Variants in SEMA6D observed in about 807,000 individuals in gnomAD.
The protein encoded by SEMA6D is semaphorin 6D.
SEMA6D carries 35 observed loss-of-function variants against 106.6 expected under a neutral mutation model. The observed-to-expected ratio is 0.33, with a 90% CI of 0.25 to 0.44. The LOEUF is 0.44. SEMA6D is among the 20% of genes least tolerant of loss of function. The pLI is 1.00. For missense variants in SEMA6D, 1,185 were observed against 1,345.9 expected (o/e 0.88, Z 1.87); for synonymous variants, 499 against 487.7 (o/e 1.02, Z -0.31).
upstream of SEMA6D, among the ~76,000 whole-genome samples, chr15:47,714,473 T>C (rs746367260): frequency 3.9e-5 from 6 of 152,242 alleles, no homozygotes; most frequent in East Asian, 3.8e-4. Flanking sequence ...TACTTTCTGA[T>C]GACTGATGAA....
At chr15:47,473,071 G>T (rs377340982) in intron 3 of SEMA6D, among the ~76,000 whole-genome samples, 1 of 152,168 alleles carries the variant, frequency 6.6e-6, no homozygotes, top group Non-Finnish European at 1.5e-5. Context: ...CAGACTCTAC[G>T]TCTTCTCTAG....
intron 4 of SEMA6D, among the ~76,000 whole-genome samples, chr15:47,704,235 C>T (rs931729308): frequency 6.6e-6 from 1 of 152,230 alleles, no homozygotes; most frequent in East Asian, 1.9e-4. Context: ...ATGCTCCCTC[C>T]TCAGCCTCCC....
intron 1 of SEMA6D, chr15:47,359,582 A>G (rs1304028160): frequency 6.6e-6 from 1 of 152,220 alleles, no homozygotes; most frequent in East Asian, 1.9e-4. Context: ...CATAGTTATG[A>G]TAGATTTCAA....
intron 3 of SEMA6D, among the ~76,000 whole-genome samples, chr15:47,586,568 A>G (rs574155960): frequency 4.6e-5 from 7 of 152,202 alleles, no homozygotes; most frequent in Non-Finnish European, 8.8e-5. Flanking sequence ...TACAAATAAA[A>G]GGTGGTTATA....
chr15:47,640,271 CGCACCATCT>C (rs2077464917), intron 4 of SEMA6D, among the ~76,000 whole-genome samples: 1 of 152,176 alleles, frequency 6.6e-6, no homozygotes, highest in African/African-American at 2.4e-5. Context: ...CACGAGTCCT[CGCACCATCT>C]GCAGGGAAAG....
rs540593234 is a variant in SEMA6D, at chr15:47,189,932, A to G, written c.-239+5514A>G. 9.2e-5 allele frequency among the ~76,000 whole-genome samples: 14 copies of G among 152,342 alleles called. 1 individual carries two copies. Among genetic ancestry groups the G allele is most frequent in the Middle Eastern group, 3.4e-3 (1 of 294 alleles). On this transcript the variant is annotated intron_variant, in intron 1 of 19. Coordinates refer to the SEMA6D transcript ENST00000558014. ...TGTATCACTGACATGCAAATTAACTACTGACATCTATGGTGTATGCCATGT... is the reference window on the plus strand; with the variant it reads ...TGTATCACTGACATGCAAATTAACTGCTGACATCTATGGTGTATGCCATGT...
intron 1 of SEMA6D, among the ~76,000 whole-genome samples, chr15:47,363,091 A>G (rs1309672934): frequency 1.3e-5 from 2 of 152,026 alleles, no homozygotes; most frequent in Non-Finnish European, 2.9e-5. Context: ...TATTCTAGAA[A>G]CTGTTCTATG....
At chr15:47,670,895 T>C (rs2078123706) in intron 4 of SEMA6D, among the ~76,000 whole-genome samples, 1 of 152,218 alleles carries the variant, frequency 6.6e-6, no homozygotes, top group Non-Finnish European at 1.5e-5. Context: ...TTGGTTTCCA[T>C]TTAATTACTT....
At chr15:47,417,020 T>C (rs532143298) in intron 2 of SEMA6D, among the ~76,000 whole-genome samples, 8 of 152,078 alleles carry the variant, frequency 5.3e-5, no homozygotes, top group Non-Finnish European at 8.8e-5. Context: ...CTCAGTGACT[T>C]ATGAAAAATT....
chr15:47,578,588 T>C (rs1320215895), intron 3 of SEMA6D, among the ~76,000 whole-genome samples: 1 of 152,200 alleles, frequency 6.6e-6, no homozygotes, highest in Non-Finnish European at 1.5e-5. Flanking sequence ...TAAGGATGCT[T>C]CTCAAAGTAC....
intron 17 of SEMA6D, among the ~76,000 whole-genome samples, chr15:47,767,882 C>G (rs928454622): frequency 1.3e-5 from 2 of 152,186 alleles, no homozygotes; most frequent in Non-Finnish European, 2.9e-5. Flanking sequence ...GATGGTAGAT[C>G]TTATGTATCA....
chr15:47,690,538 T>A (rs964700387), intron 4 of SEMA6D, among the ~76,000 whole-genome samples: 1 of 152,150 alleles, frequency 6.6e-6, no homozygotes, highest in Non-Finnish European at 1.5e-5. Context: ...ATGTTCTCAT[T>A]TGAAAAATGA....
chr15:47,350,510 A>G (rs1244573145), intron 1 of SEMA6D, among the ~76,000 whole-genome samples: 1 of 152,172 alleles, frequency 6.6e-6, no homozygotes, highest in Non-Finnish European at 1.5e-5. Context: ...CAGACGCTTC[A>G]GTCATTTCTC....
intron 3 of SEMA6D, among the ~76,000 whole-genome samples, chr15:47,503,521 A>G (rs1488892120): frequency 6.6e-6 from 1 of 152,212 alleles, no homozygotes; most frequent in Non-Finnish European, 1.5e-5. Context: ...TAAGTAATAC[A>G]GAGTGTGAAG....
intron 4 of SEMA6D, among the ~76,000 whole-genome samples, chr15:47,696,726 T>C (rs1410807595): frequency 6.6e-6 from 1 of 152,186 alleles, no homozygotes; most frequent in Non-Finnish European, 1.5e-5. Context: ...TCCTTTCCCC[T>C]AAATCACACA....
At chr15:47,724,921 C>G (rs1180268795) in intron 1 of SEMA6D, among the ~76,000 whole-genome samples, 2 of 152,160 alleles carry the variant, frequency 1.3e-5, no homozygotes, top group South Asian at 4.1e-4. Flanking sequence ...ATGAACGTTG[C>G]AAGGAGTAAG....
intron 1 of SEMA6D, among the ~76,000 whole-genome samples, chr15:47,189,461 ACT>A (rs924549560): frequency 1.3e-5 from 2 of 152,182 alleles, no homozygotes; most frequent in African/African-American, 4.8e-5. Flanking sequence ...CTGTAGAAAA[ACT>A]CAGGGAGAAA....
chr15:47,448,997 T>A (rs1991207), intron 2 of SEMA6D, among the ~76,000 whole-genome samples: 73,104 of 151,844 alleles, frequency 0.48, 18,952 homozygotes, highest in African/African-American at 0.69. Flanking sequence ...TGATCATCAA[T>A]GAGAATTGCT....
chr15:47,546,776 G>A (rs1422450530), intron 3 of SEMA6D, among the ~76,000 whole-genome samples: 2 of 151,664 alleles, frequency 1.3e-5, no homozygotes, highest in African/African-American at 2.4e-5. Flanking sequence ...TCATATTCAG[G>A]TTTCCCTGGA....
Sources: allele counts gnomAD v4.1 joint callset (sites outside exome capture counted in the v4.1 genomes callset), GRCh38; gene constraint gnomAD v4.1.1; transcripts MANE v1.5; gene names NCBI Gene and HGNC (gene_info 2026-07-23, HGNC 2026-07-21).